CCDC93: variants seen among roughly 807,000 people sequenced by gnomAD.
The protein encoded by CCDC93 is CCC complex scaffolding subunit CCDC93.
In CCDC93, 61 loss-of-function variants were observed where a neutral mutation model predicts 108.2. The observed-to-expected ratio is 0.56, with a 90% CI of 0.46 to 0.70. The LOEUF is 0.70. Among genes scored for constraint, CCDC93 ranks in the 30% least tolerant of loss-of-function variants. The pLI, the probability that CCDC93 is intolerant of heterozygous loss-of-function variation, is 0.00. For missense variants in CCDC93, 685 were observed against 764.2 expected, an observed-to-expected ratio of 0.90 and a Z score of 1.22; for synonymous variants, 276 against 260.4, an observed-to-expected ratio of 1.06 and a Z score of -0.58.
chr2:117,991,271 G>T (rs1160780182), intron 6 of CCDC93, among the ~76,000 whole-genome samples: 1 of 152,170 alleles, frequency 6.6e-6, no homozygotes, highest in African/African-American at 2.4e-5. Flanking sequence ...TGAGAAATCA[G>T]CCAATGTTCT....
At chr2:118,006,233 A>T (rs546621155) in intron 3 of CCDC93, among the ~76,000 whole-genome samples, 195 of 152,310 alleles carry the variant, frequency 1.3e-3, no homozygotes, top group Non-Finnish European at 2.2e-3. Flanking sequence ...CCACAGAAGG[A>T]GTGGCTGTTC....
At chr2:117,987,987 G>A (rs2104803354) in intron 6 of CCDC93, among the ~76,000 whole-genome samples, 1 of 152,080 alleles carries the variant, frequency 6.6e-6, no homozygotes, top group East Asian at 1.9e-4. Context: ...CTTGCTGATG[G>A]TGAAAAAGGC....
chr2:117,981,150 A>G (rs1402871558), intron 7 of CCDC93, among the ~76,000 whole-genome samples: 1 of 152,202 alleles, frequency 6.6e-6, no homozygotes, highest in Non-Finnish European at 1.5e-5. Flanking sequence ...TAAATTCATA[A>G]TTGTGCAATA....
chr2:117,962,147 T>C (rs926831593), intron 11 of CCDC93, among the ~76,000 whole-genome samples: 12 of 152,244 alleles, frequency 7.9e-5, no homozygotes, highest in Non-Finnish European at 2.9e-5. Context: ...GCTAAAACTA[T>C]ATACTTTTAT....
chr2:117,949,639 T>G (rs1678987609), intron 13 of CCDC93: 1 of 499,680 alleles, frequency 2.0e-6, no homozygotes, highest in Non-Finnish European at 2.6e-6. Context: ...ACACCGTTTC[T>G]CCAAACCTAC....
intron 1 of CCDC93, among the ~76,000 whole-genome samples, chr2:118,011,734 C>G (rs963443138): frequency 1.3e-5 from 2 of 152,148 alleles, no homozygotes; most frequent in African/African-American, 2.4e-5. Flanking sequence ...CCACTGGCCA[C>G]CCCACCACAG....
At chr2:117,949,519 G>T in intron 13 of CCDC93, 124 bp from the exon 14 acceptor site, 1 of 726,698 alleles carries the variant, frequency 1.4e-6, no homozygotes, top group East Asian at 2.7e-5. Context: ...GGATTTTAAT[G>T]TGTAAAGTAG....
In CCDC93 at chr2:117,923,643, G is replaced by A. The variant is rs539187008; in HGVS notation, c.1843-3247C>T. Reference sequence around the variant, plus strand: ...AAGCTCAAACTGGGTGGAGCTCACCGCAGCACAAGGAGGCCTGCCTGCCTG... The same window carrying A: ...AAGCTCAAACTGGGTGGAGCTCACCACAGCACAAGGAGGCCTGCCTGCCTG... On this transcript the variant is annotated intron_variant, in intron 23 of 23. Transcript: ENST00000376300. 2.0e-4 allele frequency among the ~76,000 whole-genome samples: 30 copies of A among 147,832 alleles called. No homozygotes were observed. In the East Asian group the frequency reaches 2.5e-3, roughly 12 times the overall value.
chr2:117,959,368 A>G (rs149943486), intron 11 of CCDC93, among the ~76,000 whole-genome samples: 50 of 152,362 alleles, frequency 3.3e-4, no homozygotes, highest in African/African-American at 1.2e-3. Context: ...ACAATAAAAC[A>G]TCTTCTTTCT....
chr2:117,995,740 G>T (rs889987932), intron 5 of CCDC93: 2 of 420,720 alleles, frequency 4.8e-6, no homozygotes, highest in Non-Finnish European at 8.6e-6. Context: ...AAGGAATAGT[G>T]CTTAAGACGA....
intron 3 of CCDC93, among the ~76,000 whole-genome samples, chr2:118,005,831 G>A (rs1023794244): frequency 6.6e-6 from 1 of 151,440 alleles, no homozygotes; most frequent in African/African-American, 2.4e-5. Context: ...AAAAACAAAG[G>A]CAATTAGAAA....
chr2:117,936,457 A>G (rs929993204), intron 21 of CCDC93: 11 of 448,788 alleles, frequency 2.5e-5, no homozygotes, highest in Non-Finnish European at 4.4e-5. Flanking sequence ...GGTACAGTCA[A>G]AGTATTTGAA....
At chr2:117,930,587 A>G (rs994040110) in intron 23 of CCDC93, 1 of 153,190 alleles carries the variant, frequency 6.5e-6, no homozygotes, top group Non-Finnish European at 1.5e-5. Flanking sequence ...GCCAAAAAAC[A>G]CAGCTGGTAA....
intron 1 of CCDC93, 159 bp from the exon 2 acceptor site, chr2:118,008,817 G>T (rs768207015): frequency 2.8e-5 from 17 of 600,080 alleles, no homozygotes; most frequent in Non-Finnish European, 4.7e-5. Flanking sequence ...TCACACAGAA[G>T]TATGTGGACA....
At chr2:117,931,372 AT>A (rs1254974319) in intron 22 of CCDC93, 118 of 402,456 alleles carry the variant, frequency 2.9e-4, no homozygotes, top group Middle Eastern at 6.8e-4. Context: ...AACTGTTTCC[AT>A]TTTTTTTTCT....
chr2:118,000,690 C>A, intron 4 of CCDC93, 131 bp downstream of exon 4: 1 of 613,376 alleles, frequency 1.6e-6, no homozygotes, highest in Non-Finnish European at 2.9e-6. Context: ...CCACCATGTT[C>A]TGCTGTACCA....
intron 1 of CCDC93, among the ~76,000 whole-genome samples, chr2:118,009,904 CTTT>C (rs780138348): frequency 1.9e-4 from 29 of 150,618 alleles, no homozygotes; most frequent in Non-Finnish European, 3.7e-4. Context: ...CAGTATTTTG[CTTT>C]TTTTTTGTTT....
intron 21 of CCDC93, among the ~76,000 whole-genome samples, chr2:117,936,246 C>G (rs1375442524): frequency 1.3e-5 from 2 of 151,870 alleles, no homozygotes; most frequent in African/African-American, 4.8e-5. Context: ...AATGGACATG[C>G]TTGAGGGCTT....
chr2:117,986,948 C>T (rs768651244), intron 6 of CCDC93, among the ~76,000 whole-genome samples: 61 of 150,376 alleles, frequency 4.1e-4, no homozygotes, highest in Non-Finnish European at 6.9e-4. Flanking sequence ...CTGAGCTCTA[C>T]TATTACAGCT....
Sources: allele counts gnomAD v4.1 joint callset (sites outside exome capture counted in the v4.1 genomes callset), GRCh38; gene constraint gnomAD v4.1.1; transcripts MANE v1.5; gene names NCBI Gene and HGNC (gene_info 2026-07-23, HGNC 2026-07-21).